Variants in AHRR observed in about 807,000 individuals in gnomAD.
AHRR encodes the protein ahR repressor.
A neutral mutation model predicts 44.0 loss-of-function variants in AHRR; 28 were observed. The ratio of observed to expected loss-of-function variants is 0.64; its 90% CI spans 0.47 to 0.87. The LOEUF is 0.87. AHRR is among the 40% of genes least tolerant of loss of function. The probability of loss-of-function intolerance (pLI) is 0.00; values close to 1 mark genes in which losing one functional copy is unlikely to be tolerated. For missense variants in AHRR, 990 were observed against 953.9 expected (o/e 1.04, Z -0.50); for synonymous variants, 434 against 407.0 (o/e 1.07, Z -0.80).
intron 1 of AHRR, among the ~76,000 whole-genome samples, chr5:328,442 A>T (rs1267860156): frequency 6.6e-6 from 1 of 151,676 alleles, no homozygotes; most frequent in Non-Finnish European, 1.5e-5. Flanking sequence ...GTAGAGATGC[A>T]GTTTCACCAT....
intron 7 of AHRR, among the ~76,000 whole-genome samples, chr5:426,094 G>T (rs1037639582): frequency 3.3e-5 from 5 of 152,266 alleles, no homozygotes; most frequent in African/African-American, 1.2e-4. Context: ...TCCCCCTGGA[G>T]AGCTAGATGT....
chr5:360,788 A>C (rs1743152465), intron 3 of AHRR, among the ~76,000 whole-genome samples: 1 of 152,158 alleles, frequency 6.6e-6, no homozygotes, highest in Non-Finnish European at 1.5e-5. Flanking sequence ...CAAGTGATGA[A>C]ATGGGGTGTT....
intron 2 of AHRR, among the ~76,000 whole-genome samples, chr5:351,807 A>G (rs778471875): frequency 3.3e-5 from 5 of 152,256 alleles, no homozygotes; most frequent in Admixed American, 1.3e-4. Context: ...TTTACGGCCT[A>G]GGTTGTTAGA....
At chr5:407,857 T>C (rs1735329914) in intron 4 of AHRR, among the ~76,000 whole-genome samples, 1 of 152,232 alleles carries the variant, frequency 6.6e-6, no homozygotes, top group Non-Finnish European at 1.5e-5. Flanking sequence ...TATTTTATCA[T>C]GGATTCTCCT....
chr5:422,639 G>A, intron 5 of AHRR, 90 bp from the exon 6 acceptor site: 1 of 1,567,346 alleles, frequency 6.4e-7, no homozygotes, highest in Non-Finnish European at 8.8e-7. Flanking sequence ...TTGACAAGTG[G>A]AGTGGAAATT....
At chr5:328,692 C>G (rs7712269) in intron 1 of AHRR, among the ~76,000 whole-genome samples, 10,025 of 152,082 alleles carry the variant, frequency 0.066, 531 homozygotes, top group Non-Finnish European at 0.088. Flanking sequence ...TAAAAACTGT[C>G]TATTCATGTC....
chr5:427,981 G>C lies in AHRR; in HGVS notation c.883G>C (p.Asp295His), dbSNP rs1736543199. ...GCTCCTGAGGGCAAAACCCAGAGCA[G>C]ACACCGCAGCCACCGCGGATGCAAA... is the stretch of plus-strand genomic sequence containing the variant. ...SALLRAKPRA[D>H]TAATADAKVK... The change falls in exon 8 of 11, where the codon GAC becomes CAC. Residue 295 changes from aspartate to histidine, a missense_variant. Transcript: ENST00000684583. 2 of 1,613,852 alleles carry C rather than the reference G, an allele frequency of 1.2e-6. No homozygotes were observed. Among genetic ancestry groups the C allele is most frequent in the South Asian group, 1.1e-5 (1 of 91,078 alleles).
rs569947629 is a variant in AHRR, at chr5:414,778, T to G, written c.441+1345T>G. 5.3e-5 allele frequency among the ~76,000 whole-genome samples: 8 copies of G among 152,056 alleles called. No homozygotes were observed. The South Asian group carries it at 1.0e-3, about 20-fold the overall frequency. ...AAGATCAAAACAAAACTTTGAAAAATAGAGAGTAGTATATTAGGGTTCAGT... is the reference window on the plus strand; with the variant it reads ...AAGATCAAAACAAAACTTTGAAAAAGAGAGAGTAGTATATTAGGGTTCAGT... On this transcript the variant is annotated intron_variant, in intron 5 of 10. Coordinates refer to ENST00000684583, the MANE Select transcript of AHRR (RefSeq NM_001377236.1).
Position 403,504 on chromosome 5 carries a change from C to T in AHRR, c.352-9840C>T, listed in dbSNP as rs547411217. Among the ~76,000 whole-genome samples, 299 of 152,022 alleles carry T rather than the reference C, an allele frequency of 2.0e-3. 6 individuals carry two copies. Among genetic ancestry groups the T allele is most frequent in the Admixed American group, 0.017 (259 of 15,252 alleles). ...TGCAAAAATTAGCTGGGTGTGGTGG[C>T]GCATGCCTGTAATCCCAGCTACTCG... On this transcript the variant is annotated intron_variant, in intron 4 of 10. Coordinates refer to ENST00000684583, the MANE Select transcript of AHRR (RefSeq NM_001377236.1).
intron 1 of AHRR, among the ~76,000 whole-genome samples, chr5:333,345 C>T (rs1399060149): frequency 6.6e-6 from 1 of 152,186 alleles, no homozygotes; most frequent in African/African-American, 2.4e-5. Context: ...CCTGTAATCC[C>T]AGCACTTTGG....
In AHRR at chr5:434,069, T is replaced by C. The variant is rs1227943853; in HGVS notation, c.1329T>C (p.Thr443=). ...TGCCCTGCCCGTGTGTCCAGGGCAC[T>C]TTCAGGAACTCGCCCATCTCTCACC... is the stretch of plus-strand genomic sequence containing the variant. ...SCLPCPCVQG[T]FRNSPISHPP... The change falls in exon 11 of 11, where the codon ACT becomes ACC. Residue 443 remains threonine, a synonymous_variant. Transcript: ENST00000684583. The C allele has an allele frequency of 6.2e-7, 1 of 1,612,742 alleles. No homozygotes were observed. Among genetic ancestry groups the C allele is most frequent in the Admixed American group, 1.7e-5 (1 of 59,878 alleles).
In AHRR at chr5:395,635, G is replaced by A. The variant is rs1046035917; in HGVS notation, c.352-17709G>A. Among the ~76,000 whole-genome samples the A allele has an allele frequency of 3.3e-5, 5 of 152,242 alleles. No individual in the cohort carries two copies. Among genetic ancestry groups the A allele is most frequent in the Non-Finnish European group, 4.4e-5 (3 of 68,040 alleles). On this transcript the variant is annotated intron_variant, in intron 4 of 10. Coordinates refer to ENST00000684583, the MANE Select transcript of AHRR (RefSeq NM_001377236.1). This position sits in a 1 kb window ranked among gnomAD's most constrained non-coding sequence, Gnocchi z 5.3. ...GAAGCCCCAAGCCGCTCGGCAGACGGTCATCGGGCCGCGCTGCTGCTCTGG... is the reference window on the plus strand; with the variant it reads ...GAAGCCCCAAGCCGCTCGGCAGACGATCATCGGGCCGCGCTGCTGCTCTGG...
chr5:376,110 T>TG (rs1733622926), intron 3 of AHRR, among the ~76,000 whole-genome samples: 1 of 109,276 alleles, frequency 9.2e-6, no homozygotes, highest in African/African-American at 5.9e-5. Flanking sequence ...GATGCGGGTG[T>TG]GCAGGGCACA....
At position 405,925 on chromosome 5, in the gene AHRR, T is replaced by C. The variant is rs961587158; in HGVS notation, c.352-7419T>C. 7.9e-5 allele frequency among the ~76,000 whole-genome samples: 12 copies of C among 152,196 alleles called. No individual in the cohort carries two copies. The highest frequency in any genetic ancestry group is 2.4e-4 in the African/African-American group (10 of 41,446). On this transcript the variant is annotated intron_variant, in intron 4 of 10. Coordinates refer to ENST00000684583, the MANE Select transcript of AHRR (RefSeq NM_001377236.1). This position sits in a 1 kb window ranked among gnomAD's most constrained non-coding sequence, Gnocchi z 4.5. ...CTTTCCTCCTGAATTAGGCGTGGTG[T>C]GGCAGCGTCCAGGGAAGAACACGCA...
At position 411,601 on chromosome 5, in the gene AHRR, T is replaced by C. The variant is rs1206490398; in HGVS notation, c.352-1743T>C. On this transcript the variant is annotated intron_variant, in intron 4 of 10. Transcript: ENST00000684583. The surrounding 1 kb of genome is among the most constrained non-coding windows in gnomAD (Gnocchi z 4.2). ...AGGAAATGTTTTTCAATGTCATTAG[T>C]AATCAAAGAAATGAAAACTATAATG... Among the ~76,000 whole-genome samples, 4 of 152,204 alleles carry C rather than the reference T, an allele frequency of 2.6e-5. No homozygotes were observed. The highest frequency in any genetic ancestry group is 5.9e-5 in the Non-Finnish European group (4 of 68,032).
At position 321,888 on chromosome 5, in the gene AHRR, C is replaced by A. The variant is rs114527951; in HGVS notation, c.-11+69C>A. The A allele has an allele frequency of 0.095, 14,470 of 152,056 alleles. 971 individuals carry two copies. Among genetic ancestry groups the A allele is most frequent in the Non-Finnish European group, 0.13 (8,710 of 67,948 alleles). 9.4% of individuals were successfully genotyped at this position (152,056 alleles called of 1,614,324 possible). ...CCGCGGTGGAGACGGGATGCGCTCC[C>A]GGGTGTGGGGCTGAGGGACGGGCGC... On this transcript the variant is annotated intron_variant, in intron 1 of 10. Transcript: ENST00000684583. The surrounding 1 kb of genome is among the most constrained non-coding windows in gnomAD (Gnocchi z 8.3).
chr5:355,755 C>A (rs972344326), intron 3 of AHRR, among the ~76,000 whole-genome samples: 1 of 152,338 alleles, frequency 6.6e-6, no homozygotes, highest in Admixed American at 6.5e-5. Context: ...GGGCACCCTG[C>A]GTGCCTCCTG....
At chr5:332,466 C>T (rs1741961344) in intron 1 of AHRR, among the ~76,000 whole-genome samples, 1 of 151,924 alleles carries the variant, frequency 6.6e-6, no homozygotes, top group Non-Finnish European at 1.5e-5. Flanking sequence ...TGGTGTTTCA[C>T]CATGTTGGCC....
intron 4 of AHRR, among the ~76,000 whole-genome samples, chr5:397,176 C>T (rs369530175): frequency 8.1e-6 from 1 of 123,594 alleles, no homozygotes; most frequent in African/African-American, 2.9e-5. Flanking sequence ...AGCTCCTGAC[C>T]ATCCATGTTA....
Sources: gnomAD v4.1 joint callset for allele counts (sites outside exome capture counted in the v4.1 genomes callset) on GRCh38, gnomAD v4.1.1 for gene constraint, Gnocchi (gnomAD v3.1) non-coding constraint, MANE v1.5 for transcripts, NCBI Gene and HGNC (gene_info 2026-07-23, HGNC 2026-07-21) for gene names.